Variants in GRIP2 observed in about 807,000 individuals in gnomAD.
GRIP2 encodes glutamate receptor interacting protein 2.
A neutral mutation model predicts 108.3 loss-of-function variants in GRIP2; 58 were observed. The observed-to-expected ratio is 0.54, with a 90% CI of 0.43 to 0.67. GRIP2 has a LOEUF of 0.67. Ranked by LOEUF, GRIP2 falls within the 30% of genes least tolerant of loss-of-function variation. The pLI is 0.00. For synonymous variants in GRIP2, 586 were observed against 598.2 expected, an observed-to-expected ratio of 0.98 and a Z score of 0.30; for missense variants, 1,278 against 1,430.6, an observed-to-expected ratio of 0.89 and a Z score of 1.72.
rs191786239 is a variant in GRIP2 at position 14,490,888 on chromosome 3, G to C, written c.*2777C>G. ...TTGTGAGCTAAAGCCCCTCACCCTG[G>C]TCCCTCTATCCCGTTACTCCCTTGT... On this transcript the variant is annotated 3_prime_UTR_variant, in exon 24 of 24. Transcript: ENST00000621039. 22 of 152,244 alleles carry C rather than the reference G, an allele frequency of 1.4e-4. 1 individual carries two copies. The highest frequency in any genetic ancestry group is 5.3e-4 in the African/African-American group (22 of 41,522). The allele number at this position is 152,244 out of a possible 1,614,324, so 9.4% of individuals were successfully genotyped here.
At chr3:14,571,951 T>C in the GRIP2 span, among the ~76,000 whole-genome samples, 2 of 152,198 alleles carry the variant, frequency 1.3e-5, no homozygotes, top group African/African-American at 4.8e-5. Context: ...CAGACGCTGC[T>C]GGTGGTGATG....
At chr3:14,600,538 T>A in the GRIP2 span, among the ~76,000 whole-genome samples, 1 of 152,152 alleles carries the variant, frequency 6.6e-6, no homozygotes, top group African/African-American at 2.4e-5. Flanking sequence ...GATGAGCTGG[T>A]CTTGTTCAAA....
Position 14,493,613 on chromosome 3 carries a change from G to T in GRIP2, c.*52C>A. ...TTCTCCAGCCCAGCTACGTGTCTGG[G>T]AGCCAGGATCTGCCTGGGTGGCCCC... On this transcript the variant is annotated 3_prime_UTR_variant, in exon 24 of 24. Coordinates refer to ENST00000621039, the MANE Select transcript of GRIP2 (RefSeq NM_001080423.4). 6.6e-7 allele frequency: 1 copy of T among 1,505,832 alleles called. No individual in the cohort carries two copies. 93.3% of individuals were successfully genotyped at this position (1,505,832 alleles called of 1,614,324 possible). A position where few individuals can be genotyped will look rare whatever the true frequency, so the allele number is the denominator to read the frequency against.
intron 11 of GRIP2, 86 bp downstream of exon 11, chr3:14,516,978 C>T: frequency 7.6e-7 from 1 of 1,308,614 alleles, no homozygotes; most frequent in South Asian, 2.0e-5. Context: ...CAAAATACCT[C>T]CCCTCGCCCT....
chr3:14,591,177 C>T, the GRIP2 span, among the ~76,000 whole-genome samples: 1 of 152,216 alleles, frequency 6.6e-6, no homozygotes, highest in African/African-American at 2.4e-5. Context: ...TTCCTTCTGG[C>T]CAACTCTCAA....
chr3:14,540,159 A>C lies in GRIP2; in HGVS notation c.40+110T>G. ...CTCCCCAAGCCCTGGGTCTCCAGGGAGTGGCAGTCCCAGGTCTCAGCCATC... is the reference window on the plus strand; with the variant it reads ...CTCCCCAAGCCCTGGGTCTCCAGGGCGTGGCAGTCCCAGGTCTCAGCCATC... On this transcript the variant is annotated intron_variant, in intron 1 of 23. Coordinates refer to ENST00000621039, the MANE Select transcript of GRIP2 (RefSeq NM_001080423.4). The surrounding 1 kb of genome is among the most constrained non-coding windows in gnomAD (Gnocchi z 4.1). 4.6e-6 allele frequency: 6 copies of C among 1,313,678 alleles called. No individual in the cohort carries two copies. The highest frequency in any genetic ancestry group is 1.5e-5 in the South Asian group (1 of 68,412). The allele number at this position is 1,313,678 out of a possible 1,614,324, so 81.4% of individuals were successfully genotyped here.
chr3:14,511,133 C>G lies in GRIP2; in HGVS notation c.1933+32G>C, dbSNP rs1694077423. The G allele has an allele frequency of 1.2e-6, 2 of 1,611,476 alleles. No homozygotes were observed. Among genetic ancestry groups the G allele is most frequent in the Non-Finnish European group, 1.7e-6 (2 of 1,178,678 alleles). ...AACCCGCTAGTCAAAGGGTGGGCCTCTGGAGGTAGGAGGCCAGCATGAGGG... is the reference window on the plus strand; with the variant it reads ...AACCCGCTAGTCAAAGGGTGGGCCTGTGGAGGTAGGAGGCCAGCATGAGGG... On this transcript the variant is annotated intron_variant, in intron 16 of 23. Transcript: ENST00000621039. This position sits in a 1 kb window ranked among gnomAD's most constrained non-coding sequence, Gnocchi z 4.1.
At chr3:14,517,266 A>C (rs927215576) in intron 10 of GRIP2, 53 bp from the exon 11 acceptor site, 1 of 1,483,070 alleles carries the variant, frequency 6.7e-7, no homozygotes, top group Non-Finnish European at 9.0e-7. Context: ...TCTCCACCCC[A>C]CCACACAGTG....
At chr3:14,495,065 T>C in intron 22 of GRIP2, 76 bp from the exon 23 acceptor site, 3 of 1,554,956 alleles carry the variant, frequency 1.9e-6, no homozygotes, top group South Asian at 1.2e-5. Context: ...CCAGGTCCTT[T>C]GGTCTGGCAT....
the GRIP2 span, among the ~76,000 whole-genome samples, chr3:14,589,223 G>A: frequency 1.1e-4 from 16 of 152,206 alleles, no homozygotes; most frequent in African/African-American, 3.1e-4. Flanking sequence ...AAATACAAAT[G>A]TACCCATCAC....
chr3:14,583,567 A>T, the GRIP2 span, among the ~76,000 whole-genome samples: 4 of 152,276 alleles, frequency 2.6e-5, no homozygotes, highest in African/African-American at 9.6e-5. Context: ...GGAGGCTGAG[A>T]GGGAAAGCCC....
the GRIP2 span, among the ~76,000 whole-genome samples, chr3:14,591,833 C>G: frequency 6.6e-6 from 1 of 152,180 alleles, no homozygotes; most frequent in Non-Finnish European, 1.5e-5. Flanking sequence ...AGTAGGTAAA[C>G]TGAGGCAGAC....
chr3:14,500,372 G>C (rs1693733091), intron 21 of GRIP2, among the ~76,000 whole-genome samples: 1 of 152,196 alleles, frequency 6.6e-6, no homozygotes, highest in Admixed American at 6.5e-5. Context: ...AGGCAAACAC[G>C]AGTCCTCGGA....
intron 17 of GRIP2, among the ~76,000 whole-genome samples, chr3:14,508,571 T>A (rs922847679): frequency 1.3e-5 from 2 of 152,052 alleles, no homozygotes; most frequent in South Asian, 4.1e-4. Flanking sequence ...GCCCTGCACT[T>A]CCCCAGGGAT....
At chr3:14,539,086 C>T (rs746840652) in intron 1 of GRIP2, among the ~76,000 whole-genome samples, 11 of 152,216 alleles carry the variant, frequency 7.2e-5, no homozygotes. Flanking sequence ...GTGGGCCCAT[C>T]GGGTCAAATC....
chr3:14,601,527 G>C, the GRIP2 span, among the ~76,000 whole-genome samples: 2 of 152,202 alleles, frequency 1.3e-5, no homozygotes, highest in Non-Finnish European at 2.9e-5. Flanking sequence ...CACCAACTCA[G>C]GTCAGGCGAG....
the GRIP2 span, among the ~76,000 whole-genome samples, chr3:14,565,725 T>TG: frequency 6.6e-6 from 1 of 152,172 alleles, no homozygotes; most frequent in African/African-American, 2.4e-5. Context: ...GACAGACCCT[T>TG]GCAGGGAGCT....
Position 14,522,102 on chromosome 3 carries a change from A to G in GRIP2, c.567-315T>C. 1 of 308,634 alleles carries G rather than the reference A, an allele frequency of 3.2e-6. No individual in the cohort carries two copies. The highest frequency in any genetic ancestry group is 5.9e-6 in the Non-Finnish European group (1 of 168,618). The allele number at this position is 308,634 out of a possible 1,614,324, so 19.1% of individuals were successfully genotyped here. On this transcript the variant is annotated intron_variant, in intron 6 of 23. Coordinates refer to ENST00000621039, the MANE Select transcript of GRIP2 (RefSeq NM_001080423.4). The surrounding 1 kb of genome is among the most constrained non-coding windows in gnomAD (Gnocchi z 4.3). ...AATGTCTGAGCTGGGGGTGCTCTTCAAGCGTCACCCCCAACTCCTGCCTCA... is the reference window on the plus strand; with the variant it reads ...AATGTCTGAGCTGGGGGTGCTCTTCGAGCGTCACCCCCAACTCCTGCCTCA...
chr3:14,503,057 A>T (rs75350967), intron 21 of GRIP2, among the ~76,000 whole-genome samples: 4,459 of 152,278 alleles, frequency 0.029, 207 homozygotes, highest in African/African-American at 0.1. Flanking sequence ...TATTGACCTT[A>T]CACAAAGCCA....
Sources: allele counts gnomAD v4.1 joint callset (sites outside exome capture counted in the v4.1 genomes callset), GRCh38; gene constraint gnomAD v4.1.1; non-coding constraint Gnocchi (gnomAD v3.1); transcripts MANE v1.5; gene names NCBI Gene and HGNC (gene_info 2026-07-23, HGNC 2026-07-21).